Variants in OPRD1 observed in about 807,000 individuals in gnomAD.
The protein encoded by OPRD1 is delta-type opioid receptor.
In OPRD1, 19 loss-of-function variants were observed where a neutral mutation model predicts 17.5. The observed-to-expected ratio is 1.09, with a 90% CI of 0.76 to 1.60. The LOEUF (loss-of-function observed/expected upper bound fraction) is 1.60. Among genes scored for constraint, OPRD1 ranks in the 40% most tolerant of loss-of-function variants. The probability of loss-of-function intolerance (pLI) is 0.00; values close to 1 mark genes in which losing one functional copy is unlikely to be tolerated. For missense variants in OPRD1, 483 were observed against 547.2 expected, an observed-to-expected ratio of 0.88 and a Z score of 1.17; for synonymous variants, 256 against 240.9, an observed-to-expected ratio of 1.06 and a Z score of -0.58.
chr1:28,812,874 C>G (rs1055879620), intron 1 of OPRD1, among the ~76,000 whole-genome samples: 28 of 137,898 alleles, frequency 2.0e-4, no homozygotes, highest in African/African-American at 7.4e-4. Flanking sequence ...TTGGCATCCC[C>G]TTGCTTCTTT....
chr1:28,827,871 T>C (rs1392303951), intron 1 of OPRD1, among the ~76,000 whole-genome samples: 1 of 152,090 alleles, frequency 6.6e-6, no homozygotes, highest in Non-Finnish European at 1.5e-5. Context: ...ACTACATGTG[T>C]GTGCCACCAT....
At chr1:28,847,227 T>A (rs191719643) in intron 1 of OPRD1, among the ~76,000 whole-genome samples, 2 of 152,178 alleles carry the variant, frequency 1.3e-5, no homozygotes, top group Non-Finnish European at 2.9e-5. Flanking sequence ...AATTTTTATG[T>A]TTTTAATAGA....
chr1:28,827,434 A>G (rs1325817913), intron 1 of OPRD1, among the ~76,000 whole-genome samples: 4 of 152,076 alleles, frequency 2.6e-5, no homozygotes, highest in Non-Finnish European at 4.4e-5. Context: ...GGCCCAAGTG[A>G]TCCTCTTGCC....
chr1:28,832,737 T>C (rs1426768887), intron 1 of OPRD1, among the ~76,000 whole-genome samples: 1 of 152,200 alleles, frequency 6.6e-6, no homozygotes, highest in Non-Finnish European at 1.5e-5. Flanking sequence ...GCGCCTTTCA[T>C]CTTTGGGTCA....
chr1:28,815,625 G>A (rs887835607), intron 1 of OPRD1, among the ~76,000 whole-genome samples: 3 of 152,322 alleles, frequency 2.0e-5, no homozygotes, highest in East Asian at 1.9e-4. Flanking sequence ...GGGCAGTGGG[G>A]AGAGCGCAGC....
At chr1:28,838,834 GA>G (rs2088873993) in intron 1 of OPRD1, among the ~76,000 whole-genome samples, 1 of 152,134 alleles carries the variant, frequency 6.6e-6, no homozygotes, top group Non-Finnish European at 1.5e-5. Context: ...ATTAGTTAGG[GA>G]CAGAGCTGGG....
At chr1:28,859,363 T>C (rs926673749) in intron 2 of OPRD1, 60 bp downstream of exon 2, 12 of 1,446,348 alleles carry the variant, frequency 8.3e-6, no homozygotes, top group Admixed American at 2.0e-5. Flanking sequence ...TACATGGGCC[T>C]TTGTGGGCTT....
At chr1:28,825,454 C>T (rs973405247) in intron 1 of OPRD1, among the ~76,000 whole-genome samples, 1 of 152,076 alleles carries the variant, frequency 6.6e-6, no homozygotes, top group African/African-American at 2.4e-5. Flanking sequence ...GGCACGATCT[C>T]GGCTCACTGC....
intron 1 of OPRD1, among the ~76,000 whole-genome samples, chr1:28,846,870 CTTTCTT>C (rs1557576022): frequency 1.3e-5 from 1 of 75,220 alleles, no homozygotes; most frequent in Non-Finnish European, 3.2e-5. Context: ...TTCTTTCTTT[CTTTCTT>C]TCTTTCTTTC....
intron 1 of OPRD1, among the ~76,000 whole-genome samples, chr1:28,837,570 C>T (rs1416663119): frequency 1.3e-5 from 2 of 151,444 alleles, no homozygotes; most frequent in Non-Finnish European, 2.9e-5. Flanking sequence ...ATCACTTGAA[C>T]CCAGGAGGCG....
rs1368630213 is a variant in OPRD1 at position 28,862,855 on chromosome 1, G to GT, written c.692dup (p.Cys232ValfsTer80). On this transcript the variant is annotated frameshift_variant, in exon 3 of 3. Transcript: ENST00000234961. LOFTEE classifies it high-confidence loss of function. ...CGTGGTGCCCATCCTCATCATCACC[G>GT]TGTGCTATGGCCTCATGCTGCTGCG... is the stretch of plus-strand genomic sequence containing the variant. The GT allele has an allele frequency of 6.2e-6, 10 of 1,612,618 alleles. No homozygotes were observed. In the African/African-American group the frequency reaches 1.1e-4, roughly 17 times the overall value.
At chr1:28,861,869 A>G (rs1416184046) in intron 2 of OPRD1, among the ~76,000 whole-genome samples, 1 of 148,550 alleles carries the variant, frequency 6.7e-6, no homozygotes, top group African/African-American at 2.5e-5. Context: ...CTTGAACCCC[A>G]CTATGCTAAA....
chr1:28,859,084 C>A lies in OPRD1; in HGVS notation c.358C>A (p.Leu120Ile), dbSNP rs747184712. 1.2e-6 allele frequency: 2 copies of A among 1,614,126 alleles called. No homozygotes were observed. The highest frequency in any genetic ancestry group is 4.5e-5 in the East Asian group (2 of 44,900). Residue 120 changes from leucine (L) to isoleucine (I), a missense_variant, in exon 2 of 3, where the codon CTC becomes ATC. Transcript: ENST00000234961. ...LMETWPFGEL[L>I]CKAVLSIDYY... ...GGAGACGTGGCCCTTCGGCGAGCTGCTCTGCAAGGCTGTGCTCTCCATCGA... is the reference window on the plus strand; with the variant it reads ...GGAGACGTGGCCCTTCGGCGAGCTGATCTGCAAGGCTGTGCTCTCCATCGA...
chr1:28,843,460 C>A (rs1490439805), intron 1 of OPRD1, among the ~76,000 whole-genome samples: 1 of 152,120 alleles, frequency 6.6e-6, no homozygotes, highest in East Asian at 1.9e-4. Flanking sequence ...GCCCTAGCCC[C>A]TCGTAACCCC....
intron 1 of OPRD1, among the ~76,000 whole-genome samples, chr1:28,845,394 C>T (rs751950707): frequency 4.0e-5 from 6 of 149,996 alleles, no homozygotes; most frequent in Admixed American, 1.3e-4. Context: ...GAGGCTGAGG[C>T]GGGAGAATTA....
Position 28,856,229 on chromosome 1 carries a change from G to T in OPRD1, c.228-2725G>T, listed in dbSNP as rs533533948. ...TTGGGTGAGTCCTGCTGCCTCTCTG[G>T]GCTTCAATCTCCCTGTCTCTCCCAA... On this transcript the variant is annotated intron_variant, in intron 1 of 2. Coordinates refer to ENST00000234961, the MANE Select transcript of OPRD1 (RefSeq NM_000911.4). Among the ~76,000 whole-genome samples the T allele has an allele frequency of 3.3e-5, 5 of 152,282 alleles. No individual in the cohort carries two copies. In the East Asian group the frequency reaches 9.6e-4, roughly 29 times the overall value.
intron 1 of OPRD1, among the ~76,000 whole-genome samples, chr1:28,823,795 T>C (rs61783570): frequency 0.9 from 136,430 of 151,456 alleles, 61,646 homozygotes; most frequent in East Asian, 1. Flanking sequence ...TCCCAAAGTG[T>C]TGGCATTACA....
chr1:28,867,636 C>T lies in OPRD1; in HGVS notation c.*4353C>T, dbSNP rs1450363243. On this transcript the variant is annotated 3_prime_UTR_variant, in exon 3 of 3. Transcript: ENST00000234961. ...GGTTTACAGGTGTGAGCCACTGTGC[C>T]CAGCTCTCATACCTCGTCTTGATGC... 6.6e-6 allele frequency: 1 copy of T among 152,310 alleles called. No homozygotes were observed. The highest frequency in any genetic ancestry group is 1.5e-5 in the Non-Finnish European group (1 of 68,156). 9.4% of individuals were successfully genotyped at this position (152,310 alleles called of 1,614,324 possible). A position where few individuals can be genotyped will look rare whatever the true frequency, so the allele number is the denominator to read the frequency against.
rs915264469 is a variant in OPRD1 at position 28,867,544 on chromosome 1, G to A, written c.*4261G>A. 2 of 151,496 alleles carry A rather than the reference G, an allele frequency of 1.3e-5. No homozygotes were observed. Among genetic ancestry groups the A allele is most frequent in the Non-Finnish European group, 2.9e-5 (2 of 67,968 alleles). The allele number at this position is 151,496 out of a possible 1,614,324, so 9.4% of individuals were successfully genotyped here. On this transcript the variant is annotated 3_prime_UTR_variant, in exon 3 of 3. Transcript: ENST00000234961. ...TCAATAGAGACCAGAGTGTCTCTGTGTTGCCCAGACTGGTCTTGAACTTCT... is the reference window on the plus strand; with the variant it reads ...TCAATAGAGACCAGAGTGTCTCTGTATTGCCCAGACTGGTCTTGAACTTCT...
Sources: gnomAD v4.1 joint callset for allele counts (sites outside exome capture counted in the v4.1 genomes callset) on GRCh38, gnomAD v4.1.1 for gene constraint, MANE v1.5 for transcripts, NCBI Gene and HGNC (gene_info 2026-07-23, HGNC 2026-07-21) for gene names.